SLC35F3: variants seen among roughly 807,000 people sequenced by gnomAD.
SLC35F3 encodes solute carrier family 35 member F3.
SLC35F3 carries 25 observed loss-of-function variants against 49.9 expected under a neutral mutation model. That is an observed-to-expected ratio of 0.50 (90% confidence interval 0.37 to 0.70). The LOEUF is 0.70. Among genes scored for constraint, SLC35F3 ranks in the 30% least tolerant of loss-of-function variants. SLC35F3 has a pLI of 0.00. For missense variants in SLC35F3, 525 were observed against 639.8 expected (o/e 0.82, Z 1.94); for synonymous variants, 275 against 265.4 (o/e 1.04, Z -0.35).
chr1:234,306,953 A>C (rs1226391151), intron 3 of SLC35F3, among the ~76,000 whole-genome samples: 2 of 152,214 alleles, frequency 1.3e-5, no homozygotes, highest in Non-Finnish European at 2.9e-5. Context: ...GGAAACCTCT[A>C]AGTATAGTGG....
chr1:234,180,502 C>T lies in SLC35F3; in HGVS notation c.284-50915C>T, dbSNP rs575300715. On this transcript the variant is annotated intron_variant, in intron 2 of 7. Transcript: ENST00000366618. The stretch of plus-strand genomic sequence containing the variant: ...CAACTCAAGGAAGATGCTCATGTCC[C>T]ACTAGGACTTTAGAACACACACATG... 2.0e-5 allele frequency among the ~76,000 whole-genome samples: 3 copies of T among 152,324 alleles called. No homozygotes were observed. The South Asian group carries it at 6.2e-4, about 32-fold the overall frequency.
At chr1:234,034,503 A>G (rs1384748254) in intron 2 of SLC35F3, among the ~76,000 whole-genome samples, 1 of 151,864 alleles carries the variant, frequency 6.6e-6, no homozygotes, top group East Asian at 1.9e-4. Flanking sequence ...TTTTGTTTTT[A>G]TTTATTTATT....
At chr1:234,263,533 A>T (rs1667936676) in intron 3 of SLC35F3, among the ~76,000 whole-genome samples, 2 of 152,276 alleles carry the variant, frequency 1.3e-5, no homozygotes, top group East Asian at 3.9e-4. Context: ...GGTTCTCAAA[A>T]TGTGATCCCT....
chr1:233,956,634 CAG>C (rs542939607), intron 2 of SLC35F3, among the ~76,000 whole-genome samples: 19 of 152,222 alleles, frequency 1.2e-4, no homozygotes, highest in Non-Finnish European at 2.8e-4. Flanking sequence ...AAGAGGGCAA[CAG>C]GGGAGCAGCC....
intron 3 of SLC35F3, among the ~76,000 whole-genome samples, chr1:234,306,012 AAG>A (rs1384444595): frequency 1.3e-5 from 2 of 152,220 alleles, no homozygotes; most frequent in African/African-American, 4.8e-5. Flanking sequence ...GGCGTCAGTC[AAG>A]AGAGTGTTGA....
At chr1:234,129,466 T>C (rs559017613) in intron 2 of SLC35F3, among the ~76,000 whole-genome samples, 1 of 152,306 alleles carries the variant, frequency 6.6e-6, no homozygotes, top group Non-Finnish European at 1.5e-5. Context: ...AATGAAAAGA[T>C]ACACCATGTT....
chr1:234,234,311 C>A (rs1466905267), intron 3 of SLC35F3, among the ~76,000 whole-genome samples: 1 of 152,126 alleles, frequency 6.6e-6, no homozygotes, highest in East Asian at 1.9e-4. Context: ...AGGAGGCAAT[C>A]AGATGGAAGC....
chr1:234,025,910 G>A (rs1455813023), intron 2 of SLC35F3, among the ~76,000 whole-genome samples: 1 of 152,152 alleles, frequency 6.6e-6, no homozygotes, highest in East Asian at 1.9e-4. Flanking sequence ...TAGTTCCTGG[G>A]TTTTCTTCAA....
chr1:234,098,338 TGGTG>T (rs1417993139), intron 2 of SLC35F3, among the ~76,000 whole-genome samples: 65 of 143,224 alleles, frequency 4.5e-4, no homozygotes, highest in Admixed American at 3.5e-3. Flanking sequence ...GTGATTGTGT[TGGTG>T]GTGGTGGTGG....
intron 2 of SLC35F3, among the ~76,000 whole-genome samples, chr1:234,144,607 A>G (rs115092454): frequency 7.7e-4 from 118 of 152,326 alleles, no homozygotes; most frequent in Non-Finnish European, 1.2e-3. Flanking sequence ...CTAGGCAACT[A>G]TTTTAAATCT....
intron 2 of SLC35F3, among the ~76,000 whole-genome samples, chr1:234,126,201 T>C (rs1665644830): frequency 6.6e-6 from 1 of 152,188 alleles, no homozygotes. Flanking sequence ...CATCTCTCTC[T>C]ACCCAAGCCA....
intron 2 of SLC35F3, among the ~76,000 whole-genome samples, chr1:234,109,952 G>C (rs1261486737): frequency 1.3e-5 from 2 of 152,190 alleles, no homozygotes; most frequent in African/African-American, 2.4e-5. Context: ...CACCTGTTTA[G>C]AGAACAGCAA....
intron 2 of SLC35F3, among the ~76,000 whole-genome samples, chr1:234,050,785 T>C (rs1664365349): frequency 1.3e-5 from 2 of 152,236 alleles, no homozygotes; most frequent in Non-Finnish European, 2.9e-5. Flanking sequence ...AACATTTAAG[T>C]CTTTAACCCA....
At chr1:234,065,223 T>C (rs1040550864) in intron 2 of SLC35F3, among the ~76,000 whole-genome samples, 2 of 152,160 alleles carry the variant, frequency 1.3e-5, no homozygotes, top group Admixed American at 1.3e-4. Context: ...CTCGGCTTAC[T>C]GCAACTTCGG....
chr1:234,085,406 C>T (rs1318588125), intron 2 of SLC35F3, among the ~76,000 whole-genome samples: 2 of 152,164 alleles, frequency 1.3e-5, no homozygotes, highest in Admixed American at 6.5e-5. Flanking sequence ...GTTTTTGTTT[C>T]CTAAGTCCTA....
chr1:234,268,810 C>G (rs1367687536), intron 3 of SLC35F3: 6 of 152,188 alleles, frequency 3.9e-5, no homozygotes, highest in Non-Finnish European at 7.3e-5. Context: ...GTAGACTTCT[C>G]CATGGAGGAC....
At chr1:234,171,077 G>C (rs943200747) in intron 2 of SLC35F3, among the ~76,000 whole-genome samples, 1 of 152,212 alleles carries the variant, frequency 6.6e-6, no homozygotes. Flanking sequence ...CCCCAACCCA[G>C]GGGTTCCCCA....
intron 2 of SLC35F3, among the ~76,000 whole-genome samples, chr1:233,929,026 G>C (rs1662201989): frequency 6.6e-6 from 1 of 152,120 alleles, no homozygotes; most frequent in South Asian, 2.1e-4. Context: ...CCTCATGTCT[G>C]TTAATATAGA....
intron 2 of SLC35F3, among the ~76,000 whole-genome samples, chr1:234,059,438 G>C (rs1222645749): frequency 6.7e-6 from 1 of 148,716 alleles, no homozygotes; most frequent in Non-Finnish European, 1.5e-5. Flanking sequence ...TTAATCCCTT[G>C]GTTATTTAAG....
Sources: allele counts gnomAD v4.1 joint callset (sites outside exome capture counted in the v4.1 genomes callset), GRCh38; gene constraint gnomAD v4.1.1; transcripts MANE v1.5; gene names NCBI Gene and HGNC (gene_info 2026-07-23, HGNC 2026-07-21).